The following EFCAB11 variants were observed in gnomAD, a reference collection of about 807,000 sequenced individuals.
EFCAB11 encodes EF-hand calcium binding domain 11.
A neutral mutation model predicts 23.0 loss-of-function variants in EFCAB11; 14 were observed. The ratio of observed to expected loss-of-function variants is 0.61; its 90% confidence interval spans 0.40 to 0.95. EFCAB11 has a LOEUF of 0.95. EFCAB11 is among the 40% of genes least tolerant of loss of function. The pLI is 0.00. For missense variants in EFCAB11, 198 were observed against 195.8 expected, an observed-to-expected ratio of 1.01 and a Z score of -0.07; for synonymous variants, 65 against 66.6, an observed-to-expected ratio of 0.98 and a Z score of 0.11.
chr14:89,934,753 T>C lies in EFCAB11; in HGVS notation c.218-2126A>G, dbSNP rs1390965213. ...GACAAATTGTTAGCTGAGGTTAAAA[T>C]TGAAGTCTAGCTATGCCATGTGCCC... On this transcript the variant is annotated intron_variant, in intron 3 of 5. Coordinates refer to ENST00000316738, the MANE Select transcript of EFCAB11 (RefSeq NM_145231.4). 3.9e-5 allele frequency among the ~76,000 whole-genome samples: 6 copies of C among 152,304 alleles called. No homozygotes were observed. The East Asian group carries it at 9.6e-4, about 24-fold the overall frequency.
At position 89,797,091 on chromosome 14, in the gene EFCAB11, G is replaced by T; in HGVS notation, c.*152C>A. On this transcript the variant is annotated 3_prime_UTR_variant, in exon 6 of 6. Transcript: ENST00000316738. ...CCGTAACCCATATATGTGTGTGTAT[G>T]TATACATATGCACCTACTATGTACC... The T allele has an allele frequency of 1.9e-6, 1 of 534,144 alleles. No individual in the cohort carries two copies. Among genetic ancestry groups the T allele is most frequent in the African/African-American group, 1.9e-5 (1 of 52,770 alleles). 33.1% of individuals were successfully genotyped at this position (534,144 alleles called of 1,614,324 possible).
intron 5 of EFCAB11, among the ~76,000 whole-genome samples, chr14:89,914,753 C>T (rs1365843216): frequency 6.6e-6 from 1 of 151,764 alleles, no homozygotes; most frequent in Non-Finnish European, 1.5e-5. Flanking sequence ...CCACTGCACT[C>T]CAGCCTGGGC....
At chr14:89,885,989 G>A (rs1416578200) in intron 5 of EFCAB11, among the ~76,000 whole-genome samples, 1 of 151,726 alleles carries the variant, frequency 6.6e-6, no homozygotes, top group Non-Finnish European at 1.5e-5. Context: ...AAAGCTCTAG[G>A]ACTTACACTG....
At chr14:89,803,753 G>A (rs761703028) in intron 5 of EFCAB11, among the ~76,000 whole-genome samples, 4 of 152,178 alleles carry the variant, frequency 2.6e-5, no homozygotes, top group Admixed American at 1.3e-4. Context: ...CCCGCCAATT[G>A]AAGATGTAAT....
chr14:89,810,140 G>A lies in EFCAB11; in HGVS notation c.411-12816C>T, dbSNP rs79228418. On this transcript the variant is annotated intron_variant, in intron 5 of 5. Coordinates refer to ENST00000316738, the MANE Select transcript of EFCAB11 (RefSeq NM_145231.4). ...GCAGTGGGCAGAGGCCACCTATATC[G>A]TGTTCACTGTGCTGTTCCCAGTATT... 6.0e-3 allele frequency among the ~76,000 whole-genome samples: 909 copies of A among 152,234 alleles called. 5 individuals carry two copies. Among genetic ancestry groups the A allele is most frequent in the Admixed American group, 8.0e-3 (122 of 15,304 alleles).
chr14:89,952,270 A>T, intron 2 of EFCAB11: 1 of 447,756 alleles, frequency 2.2e-6, no homozygotes, highest in Non-Finnish European at 3.0e-6. Flanking sequence ...AAAATCTGTT[A>T]AATTTCATGG....
intron 5 of EFCAB11, among the ~76,000 whole-genome samples, chr14:89,884,408 A>G (rs1596424557): frequency 1.3e-5 from 2 of 152,312 alleles, no homozygotes; most frequent in Non-Finnish European, 2.9e-5. Flanking sequence ...TATCCCCTAA[A>G]AACATAACAA....
At chr14:89,862,911 T>G (rs1887969964) in intron 5 of EFCAB11, among the ~76,000 whole-genome samples, 1 of 152,222 alleles carries the variant, frequency 6.6e-6, no homozygotes, top group Non-Finnish European at 1.5e-5. Flanking sequence ...TAAGTAAAAT[T>G]ACAATTATAC....
At chr14:89,916,121 C>A (rs565009076) in intron 5 of EFCAB11, among the ~76,000 whole-genome samples, 1 of 149,690 alleles carries the variant, frequency 6.7e-6, no homozygotes, top group South Asian at 2.1e-4. Flanking sequence ...TTTTTCCCCC[C>A]AAAACAATTT....
intron 5 of EFCAB11, among the ~76,000 whole-genome samples, chr14:89,900,359 C>CT (rs1889302651): frequency 6.6e-6 from 1 of 152,028 alleles, no homozygotes; most frequent in African/African-American, 2.4e-5. Flanking sequence ...TCAGGCAGGG[C>CT]TACCCAGGGG....
intron 5 of EFCAB11, among the ~76,000 whole-genome samples, chr14:89,807,019 T>C (rs1885992668): frequency 6.6e-6 from 1 of 152,222 alleles, no homozygotes; most frequent in African/African-American, 2.4e-5. Flanking sequence ...CAATATGAAA[T>C]ATGAATGGAG....
chr14:89,811,947 G>A (rs1886163569), intron 5 of EFCAB11, among the ~76,000 whole-genome samples: 1 of 152,162 alleles, frequency 6.6e-6, no homozygotes, highest in South Asian at 2.1e-4. Flanking sequence ...CATGGACATT[G>A]GAAGTATTAT....
chr14:89,926,097 G>T lies in EFCAB11; in HGVS notation c.410+5444C>A, dbSNP rs190780164. Among the ~76,000 whole-genome samples the T allele has an allele frequency of 1.1e-3, 160 of 152,200 alleles. 4 individuals carry two copies. The East Asian group carries it at 0.028, about 26-fold the overall frequency. On this transcript the variant is annotated intron_variant, in intron 5 of 5. Coordinates refer to ENST00000316738, the MANE Select transcript of EFCAB11 (RefSeq NM_145231.4). ...TCCCAAAGTGTTGGATTACAGGCAT[G>T]AGCCACCGCACCCACCCGAAAGTTT...
intron 5 of EFCAB11, 37 bp from the exon 6 acceptor site, chr14:89,797,361 C>T (rs1885610011): frequency 6.4e-7 from 1 of 1,573,840 alleles, no homozygotes; most frequent in Non-Finnish European, 8.7e-7. Context: ...ACACATTATT[C>T]TCGTTAACAC....
intron 5 of EFCAB11, among the ~76,000 whole-genome samples, chr14:89,845,478 C>T (rs993824686): frequency 2.6e-5 from 4 of 152,114 alleles, no homozygotes; most frequent in South Asian, 2.1e-4. Context: ...ACTAAGATTT[C>T]GACGTCAGCA....
chr14:89,867,602 G>A lies in EFCAB11; in HGVS notation c.410+63939C>T, dbSNP rs374247381. Among the ~76,000 whole-genome samples, 77 of 152,174 alleles carry A rather than the reference G, an allele frequency of 5.1e-4. No individual in the cohort carries two copies. The South Asian group carries it at 0.014, about 28-fold the overall frequency. On this transcript the variant is annotated intron_variant, in intron 5 of 5. Coordinates refer to ENST00000316738, the MANE Select transcript of EFCAB11 (RefSeq NM_145231.4). The stretch of plus-strand genomic sequence containing the variant: ...AATCTTTTATTTCACTTTATCCTAC[G>A]TGCTAAATAATCTACCCTTGCTTGA...
intron 5 of EFCAB11, among the ~76,000 whole-genome samples, chr14:89,919,708 A>T (rs1810285089): frequency 6.6e-6 from 1 of 152,164 alleles, no homozygotes; most frequent in African/African-American, 2.4e-5. Context: ...GGGCTGGCTT[A>T]GGAAATGGGT....
chr14:89,827,521 C>G (rs1403015487), intron 5 of EFCAB11, among the ~76,000 whole-genome samples: 1 of 152,092 alleles, frequency 6.6e-6, no homozygotes, highest in African/African-American at 2.4e-5. Context: ...AGGTCTGGCC[C>G]CACCATGCAG....
chr14:89,801,041 GAAAAA>G (rs1197084827), intron 5 of EFCAB11, among the ~76,000 whole-genome samples: 4 of 58,496 alleles, frequency 6.8e-5, no homozygotes, highest in African/African-American at 2.0e-4. Flanking sequence ...CCTCAAAAAA[GAAAAA>G]AAAAAAAAAA....
Sources: allele counts gnomAD v4.1 joint callset (sites outside exome capture counted in the v4.1 genomes callset), GRCh38; gene constraint gnomAD v4.1.1; transcripts MANE v1.5; gene names NCBI Gene and HGNC (gene_info 2026-07-23, HGNC 2026-07-21).